The following MTOR variants were observed in gnomAD, a reference collection of about 807,000 sequenced individuals.
MTOR encodes mechanistic target of rapamycin kinase.
A neutral mutation model predicts 319.8 loss-of-function variants in MTOR; 70 were observed. The observed-to-expected ratio is 0.22, with a 90% CI of 0.18 to 0.27. The LOEUF (loss-of-function observed/expected upper bound fraction) is 0.27, where lower values mean the gene tolerates loss of function less well. Among genes scored for constraint, MTOR ranks in the 10% least tolerant of loss-of-function variants. MTOR has a pLI of 1.00. For missense variants in MTOR, 1,890 were observed against 3,274.4 expected (o/e 0.58, Z 10.32); for synonymous variants, 1,183 against 1,211.4 (o/e 0.98, Z 0.49).
In MTOR at chr1:11,121,228, C is replaced by T. The variant is rs777427872; in HGVS notation, c.6933+18G>A. ...GGGGTTCCAGGAGAGCGCAGGTCTG[C>T]AGGGCCCAGTGGCCTACCTCGGAGC... On this transcript the variant is annotated intron_variant, in intron 49 of 57. Coordinates refer to ENST00000361445, the MANE Select transcript of MTOR (RefSeq NM_004958.4). This position sits in a 1 kb window ranked among gnomAD's most constrained non-coding sequence, Gnocchi z 4.9. The T allele has an allele frequency of 2.5e-6, 4 of 1,612,002 alleles. No homozygotes were observed. The highest frequency in any genetic ancestry group is 2.7e-5 in the African/African-American group (2 of 75,072).
chr1:11,209,164 G>C (rs1377966924), intron 25 of MTOR, 148 bp downstream of exon 25: 13 of 940,506 alleles, frequency 1.4e-5, no homozygotes, highest in Non-Finnish European at 2.1e-5. Flanking sequence ...CCTGTAAAAA[G>C]ACAAAATGAT....
chr1:11,128,893 C>T lies in MTOR; in HGVS notation c.5773G>A (p.Glu1925Lys). Residue 1925 changes from glutamate to lysine, a missense_variant, in exon 41 of 58, where the codon GAG becomes AAG. Physicochemically the swap from Glu to Lys is moderately conservative, Grantham distance 56. Transcript: ENST00000361445. This position sits in a 1 kb window ranked among gnomAD's most constrained non-coding sequence, Gnocchi z 5.3. The part of the protein sequence containing the change: ...HWPDVNEALV[E>K]GVKAIQIDTW... ...TCAATCTGGATGGCTTTCACCCCCT[C>T]CACTAAGGCCTCATTGACATCTGGC... The T allele has an allele frequency of 6.2e-7, 1 of 1,613,988 alleles. No homozygotes were observed. The highest frequency in any genetic ancestry group is 8.5e-7 in the Non-Finnish European group (1 of 1,179,966).
chr1:11,213,202 C>A (rs575619999), intron 21 of MTOR, among the ~76,000 whole-genome samples, 197 bp downstream of exon 21: 1 of 152,118 alleles, frequency 6.6e-6, no homozygotes, highest in Non-Finnish European at 1.5e-5. Flanking sequence ...GAAACAGATA[C>A]AAAACATAAG....
intron 52 of MTOR, 114 bp downstream of exon 52, chr1:11,114,699 A>G: frequency 8.6e-7 from 1 of 1,165,874 alleles, no homozygotes; most frequent in Non-Finnish European, 1.2e-6. Context: ...GAAAACTGCT[A>G]CAAAAATCAC....
In MTOR at chr1:11,115,462, T is replaced by A. The variant is rs1188007764; in HGVS notation, c.7023A>T (p.Pro2341=). 3.7e-6 allele frequency: 6 copies of A among 1,614,020 alleles called. No individual in the cohort carries two copies. Among genetic ancestry groups the A allele is most frequent in the Non-Finnish European group, 5.1e-6 (6 of 1,179,962 alleles). ...GYILGLGDRH[P]SNLMLDRLSG... is the part of the protein sequence containing the mutation. ...TCAGACGGTCCAGCATCAGGTTGGA[T>A]GGGTGTCTTTGAGAAACAGAAGACA... Residue 2341 remains proline (P), a synonymous_variant, in exon 51 of 58, where the codon CCA becomes CCT. Coordinates refer to ENST00000361445, the MANE Select transcript of MTOR (RefSeq NM_004958.4). This position sits in a 1 kb window ranked among gnomAD's most constrained non-coding sequence, Gnocchi z 4.5.
chr1:11,154,525 A>C (rs75077113), intron 30 of MTOR, among the ~76,000 whole-genome samples: 48,490 of 135,946 alleles, frequency 0.36, 8,776 homozygotes, highest in African/African-American at 0.59. Flanking sequence ...CTCTCTCTCT[A>C]TATATATATA....
chr1:11,185,322 T>C (rs577308032), intron 28 of MTOR, among the ~76,000 whole-genome samples: 154 of 149,268 alleles, frequency 1.0e-3, no homozygotes, highest in Non-Finnish European at 1.2e-3. Context: ...ATGCCTGTAA[T>C]CCTAGCACTT....
intron 38 of MTOR, chr1:11,131,055 G>GC (rs1037655462): frequency 1.9e-5 from 10 of 519,340 alleles, no homozygotes; most frequent in Non-Finnish European, 2.8e-5. Context: ...GGATCTCCCG[G>GC]CCTCCTAGGG....
chr1:11,167,303 G>A (rs17235598), intron 29 of MTOR, 139 bp downstream of exon 29: 4 of 660,580 alleles, frequency 6.1e-6, no homozygotes, highest in Admixed American at 4.6e-5. Context: ...CTTTCATCCT[G>A]AAGACTGGTA....
chr1:11,259,172 A>C (rs1216871612), intron 2 of MTOR, 76 bp downstream of exon 2: 2 of 1,445,106 alleles, frequency 1.4e-6, no homozygotes, highest in Admixed American at 2.2e-5. Flanking sequence ...TTAGCTGTAC[A>C]AAAAAAAATG....
chr1:11,155,821 G>A (rs1033325758), intron 30 of MTOR, among the ~76,000 whole-genome samples: 15 of 152,040 alleles, frequency 9.9e-5, no homozygotes, highest in African/African-American at 3.4e-4. Flanking sequence ...TCTTGCTCAC[G>A]GCTGTGTCCC....
chr1:11,127,473 T>C lies in MTOR; in HGVS notation c.6216+151A>G. On this transcript the variant is annotated intron_variant, in intron 44 of 57. Coordinates refer to ENST00000361445, the MANE Select transcript of MTOR (RefSeq NM_004958.4). This position sits in a 1 kb window ranked among gnomAD's most constrained non-coding sequence, Gnocchi z 5.5. ...GTGACCTCCATCAGAGCTCGTTTTA[T>C]TAAAGTCAGTGGAAAGGCCAGAGGA... 1.1e-6 allele frequency: 1 copy of C among 937,660 alleles called. No homozygotes were observed. Among genetic ancestry groups the C allele is most frequent in the Non-Finnish European group, 1.6e-6 (1 of 644,616 alleles). 58.1% of individuals were successfully genotyped at this position (937,660 alleles called of 1,614,324 possible).
intron 18 of MTOR, among the ~76,000 whole-genome samples, chr1:11,230,289 G>A (rs1353454589): frequency 6.6e-6 from 1 of 152,082 alleles, no homozygotes; most frequent in Non-Finnish European, 1.5e-5. Context: ...GTGTGCTGGT[G>A]TGCACCTGTA....
At chr1:11,182,743 T>C (rs1645198363) in intron 28 of MTOR, among the ~76,000 whole-genome samples, 1 of 152,226 alleles carries the variant, frequency 6.6e-6, no homozygotes, top group Admixed American at 6.5e-5. Flanking sequence ...AGCTTAATTA[T>C]ATAAACATTC....
chr1:11,139,279 G>T (rs1207275918), intron 36 of MTOR, 25 bp downstream of exon 36: 2 of 1,590,344 alleles, frequency 1.3e-6, no homozygotes, highest in Admixed American at 1.9e-5. Context: ...AAGGTGGTCT[G>T]TTCTGGATGC....
intron 19 of MTOR, among the ~76,000 whole-genome samples, chr1:11,225,136 A>G (rs915557948): frequency 9.2e-5 from 14 of 152,222 alleles, no homozygotes. Flanking sequence ...TGATAACTGC[A>G]TAACTCTGTA....
At chr1:11,248,811 C>CA (rs1362013402) in intron 6 of MTOR, among the ~76,000 whole-genome samples, 8 of 151,382 alleles carry the variant, frequency 5.3e-5, no homozygotes, top group South Asian at 4.2e-4. Context: ...AAATCTGTCT[C>CA]AAAAAAACAA....
In MTOR at chr1:11,109,021, T is replaced by C. The variant is rs146330519; in HGVS notation, c.7528+269A>G. The stretch of plus-strand genomic sequence containing the variant: ...AAAAAAAGACATGATTAAAAAACAC[T>C]TCTCTGAATTTGGCTGATTTTGGAC... On this transcript the variant is annotated intron_variant, in intron 56 of 57. Coordinates refer to ENST00000361445, the MANE Select transcript of MTOR (RefSeq NM_004958.4). The surrounding 1 kb of genome is among the most constrained non-coding windows in gnomAD (Gnocchi z 4.0). Among the ~76,000 whole-genome samples the C allele has an allele frequency of 2.9e-3, 448 of 152,280 alleles. 9 individuals carry two copies. The highest frequency in any genetic ancestry group is 0.014 in the Middle Eastern group (4 of 294).
intron 30 of MTOR, among the ~76,000 whole-genome samples, chr1:11,155,407 A>G (rs1490601634): frequency 6.6e-6 from 1 of 152,068 alleles, no homozygotes; most frequent in Non-Finnish European, 1.5e-5. Context: ...TTTTAAGAAA[A>G]TGGCAGCAAA....
Sources: allele counts gnomAD v4.1 joint callset (sites outside exome capture counted in the v4.1 genomes callset), GRCh38; gene constraint gnomAD v4.1.1; non-coding constraint Gnocchi (gnomAD v3.1); transcripts MANE v1.5; gene names NCBI Gene and HGNC (gene_info 2026-07-23, HGNC 2026-07-21).